Variants in PLCB1 observed in about 807,000 individuals in gnomAD.
The protein encoded by PLCB1 is phospholipase C beta 1.
In PLCB1, 46 loss-of-function variants were observed where a neutral mutation model predicts 161.8. That is an observed-to-expected ratio of 0.28 (90% CI 0.22 to 0.36). The LOEUF is 0.36. PLCB1 is among the 10% of genes least tolerant of loss of function. The pLI is 1.00. For missense variants in PLCB1, 1,016 were observed against 1,472.5 expected, an observed-to-expected ratio of 0.69 and a Z score of 5.07; for synonymous variants, 517 against 503.7, an observed-to-expected ratio of 1.03 and a Z score of -0.35.
intron 2 of PLCB1, among the ~76,000 whole-genome samples, chr20:8,286,180 C>T (rs1017270622): frequency 2.0e-5 from 3 of 152,074 alleles, no homozygotes; most frequent in Non-Finnish European, 2.9e-5. Context: ...AAAGATTTGC[C>T]GGGCGTGGTA....
intron 31 of PLCB1, among the ~76,000 whole-genome samples, chr20:8,848,027 A>T (rs1166999864): frequency 1.3e-5 from 2 of 152,204 alleles, no homozygotes; most frequent in African/African-American, 4.8e-5. Flanking sequence ...ATGATGGAAG[A>T]CAGAAGAGCA....
chr20:8,741,591 T>C lies in PLCB1; in HGVS notation c.2523+18T>C. On this transcript the variant is annotated intron_variant, in intron 23 of 31. Coordinates refer to ENST00000338037, the MANE Select transcript of PLCB1 (RefSeq NM_015192.4). ...AGAAAGAGGTGAGAGGGTGTTTTAA[T>C]TTTACATATAGCATTAAGCATGATC... 1 of 1,510,976 alleles carries C rather than the reference T, an allele frequency of 6.6e-7. No homozygotes were observed. Among genetic ancestry groups the C allele is most frequent in the Non-Finnish European group, 9.2e-7 (1 of 1,087,482 alleles). 93.6% of individuals were successfully genotyped at this position (1,510,976 alleles called of 1,614,324 possible). A position where few individuals can be genotyped will look rare whatever the true frequency, so the allele number is the denominator to read the frequency against.
chr20:8,326,504 C>A, intron 2 of PLCB1, among the ~76,000 whole-genome samples: 1 of 152,156 alleles, frequency 6.6e-6, no homozygotes. Context: ...TACCTAGTTT[C>A]ATAAAAAGTA....
intron 2 of PLCB1, among the ~76,000 whole-genome samples, chr20:8,166,552 A>G (rs2051677412): frequency 6.6e-6 from 1 of 152,064 alleles, no homozygotes; most frequent in Admixed American, 6.5e-5. Context: ...TTGGCTCCCA[A>G]TTTCATATCA....
At chr20:8,412,815 T>C (rs1433720562) in intron 3 of PLCB1, among the ~76,000 whole-genome samples, 1 of 152,192 alleles carries the variant, frequency 6.6e-6, no homozygotes. Flanking sequence ...TATATTGATA[T>C]GTGCTTTGGA....
intron 31 of PLCB1, among the ~76,000 whole-genome samples, chr20:8,825,523 G>A (rs1416583885): frequency 6.6e-6 from 1 of 152,180 alleles, no homozygotes; most frequent in Non-Finnish European, 1.5e-5. Flanking sequence ...CATGGTGTGT[G>A]CAAGGAACTG....
chr20:8,492,259 C>G (rs1273074201), intron 3 of PLCB1, among the ~76,000 whole-genome samples: 1 of 151,798 alleles, frequency 6.6e-6, no homozygotes, highest in Non-Finnish European at 1.5e-5. Flanking sequence ...TAGAATTCCA[C>G]TATTTAGGCT....
chr20:8,802,279 T>C, intron 31 of PLCB1: 1 of 614,964 alleles, frequency 1.6e-6, no homozygotes, highest in Admixed American at 3.0e-5. Context: ...TCCCTTTCTC[T>C]ACATTCCCAT....
intron 3 of PLCB1, among the ~76,000 whole-genome samples, chr20:8,508,590 A>G (rs1482116801): frequency 6.6e-6 from 1 of 152,144 alleles, no homozygotes; most frequent in African/African-American, 2.4e-5. Flanking sequence ...ACAACCTTTG[A>G]CCAAATGAGT....
chr20:8,825,360 C>G (rs903158453), intron 31 of PLCB1, among the ~76,000 whole-genome samples: 1 of 152,138 alleles, frequency 6.6e-6, no homozygotes, highest in South Asian at 2.1e-4. Flanking sequence ...CATCTTGGAG[C>G]AAGTGATATT....
intron 24 of PLCB1, among the ~76,000 whole-genome samples, chr20:8,760,110 T>C (rs564242743): frequency 5.3e-5 from 8 of 151,992 alleles, no homozygotes; most frequent in Non-Finnish European, 1.0e-4. Context: ...TTCACCATAT[T>C]GCCAGGCTGG....
intron 25 of PLCB1, among the ~76,000 whole-genome samples, chr20:8,762,506 G>A (rs1277018018): frequency 1.3e-5 from 2 of 152,104 alleles, no homozygotes; most frequent in East Asian, 1.9e-4. Context: ...CTAATCGTAG[G>A]TTAGAACATC....
At chr20:8,681,053 C>G (rs1237523736) in intron 9 of PLCB1, among the ~76,000 whole-genome samples, 1 of 89,976 alleles carries the variant, frequency 1.1e-5, no homozygotes, top group Non-Finnish European at 2.5e-5. Context: ...TGTATATATA[C>G]TTATATGTAT....
intron 3 of PLCB1, among the ~76,000 whole-genome samples, chr20:8,488,745 C>G (rs1982830318): frequency 6.6e-6 from 1 of 152,146 alleles, no homozygotes; most frequent in East Asian, 1.9e-4. Flanking sequence ...GTTTCTTCAT[C>G]ATAACATCAT....
Position 8,491,144 on chromosome 20 carries a change from T to C in PLCB1, c.246+119694T>C, listed in dbSNP as rs570932777. Among the ~76,000 whole-genome samples, 3 of 152,112 alleles carry C rather than the reference T, an allele frequency of 2.0e-5. No homozygotes were observed. The East Asian group carries it at 5.8e-4, about 29-fold the overall frequency. On this transcript the variant is annotated intron_variant, in intron 3 of 31. Transcript: ENST00000338037. Reference sequence around the variant, plus strand: ...TATATAAATATTTGCCTAACTCAAATATTTTATCCTCTTTTTTAATAATTT... The same window carrying C: ...TATATAAATATTTGCCTAACTCAAACATTTTATCCTCTTTTTTAATAATTT...
chr20:8,452,923 C>G (rs1313336089), intron 3 of PLCB1, among the ~76,000 whole-genome samples: 2 of 152,174 alleles, frequency 1.3e-5, no homozygotes, highest in Non-Finnish European at 1.5e-5. Context: ...GTTTGCTTGC[C>G]TGGTTGAATG....
At chr20:8,279,019 G>A (rs1982742724) in intron 2 of PLCB1, among the ~76,000 whole-genome samples, 1 of 151,854 alleles carries the variant, frequency 6.6e-6, no homozygotes, top group African/African-American at 2.4e-5. Context: ...TGTTGGCAAG[G>A]ATGTAGAAAA....
At position 8,883,441 on chromosome 20, in the gene PLCB1, T is replaced by C. The variant is rs1163779807; in HGVS notation, c.*1592T>C. The C allele has an allele frequency of 1.3e-5, 2 of 151,698 alleles. No individual in the cohort carries two copies. The highest frequency in any genetic ancestry group is 4.8e-5 in the African/African-American group (2 of 41,316). The allele number at this position is 151,698 out of a possible 1,614,324, so 9.4% of individuals were successfully genotyped here. Reference sequence around the variant, plus strand: ...ATGTAGAAAAATGTAACTTAGAGAGTAACACATGAACATTGAAGTTAAAAC... The same window carrying C: ...ATGTAGAAAAATGTAACTTAGAGAGCAACACATGAACATTGAAGTTAAAAC... On this transcript the variant is annotated 3_prime_UTR_variant, in exon 32 of 32. Coordinates refer to ENST00000338037, the MANE Select transcript of PLCB1 (RefSeq NM_015192.4).
At chr20:8,624,340 T>C (rs1988271580) in intron 3 of PLCB1, among the ~76,000 whole-genome samples, 1 of 152,186 alleles carries the variant, frequency 6.6e-6, no homozygotes. Flanking sequence ...CCAATAAAGA[T>C]ACATTTCATG....
Sources: gnomAD v4.1 joint callset for allele counts (sites outside exome capture counted in the v4.1 genomes callset) on GRCh38, gnomAD v4.1.1 for gene constraint, MANE v1.5 for transcripts, NCBI Gene and HGNC (gene_info 2026-07-23, HGNC 2026-07-21) for gene names.